PPP1R1C: variants seen among roughly 807,000 people sequenced by gnomAD.
The protein encoded by PPP1R1C is protein phosphatase 1 regulatory inhibitor subunit 1C.
PPP1R1C carries 15 observed loss-of-function variants against 17.4 expected under a neutral mutation model. The observed-to-expected ratio is 0.86, with a 90% CI of 0.58 to 1.33. The LOEUF is 1.33. Ranked by LOEUF, PPP1R1C falls within the 40% of genes most tolerant of loss-of-function variation. PPP1R1C has a pLI of 0.00. For missense variants in PPP1R1C, 143 were observed against 130.0 expected (o/e 1.10, Z -0.48); for synonymous variants, 35 against 43.1 (o/e 0.81, Z 0.73).
chr2:181,973,136 T>A (rs934709315), intron 1 of PPP1R1C, among the ~76,000 whole-genome samples: 5 of 152,180 alleles, frequency 3.3e-5, no homozygotes, highest in African/African-American at 1.2e-4. Context: ...TCAGTAAGCA[T>A]CTTTGACTCA....
At chr2:181,980,535 C>T (rs949504662) in intron 2 of PPP1R1C, among the ~76,000 whole-genome samples, 23 of 152,172 alleles carry the variant, frequency 1.5e-4, no homozygotes, top group Non-Finnish European at 2.6e-4. Context: ...GAGCTGTTTC[C>T]CCAAAGTGGC....
intron 2 of PPP1R1C, among the ~76,000 whole-genome samples, chr2:182,045,485 T>C (rs1687315995): frequency 6.6e-6 from 1 of 152,068 alleles, no homozygotes; most frequent in Non-Finnish European, 1.5e-5. Context: ...CTTCAGTTGA[T>C]TAAGCCATGA....
intron 2 of PPP1R1C, among the ~76,000 whole-genome samples, chr2:181,989,413 G>A (rs894157758): frequency 7.2e-5 from 11 of 152,164 alleles, no homozygotes; most frequent in African/African-American, 1.9e-4. Context: ...TAGAAGTGAC[G>A]GATTCCAGAG....
At chr2:181,968,826 T>A (rs1360495804) in intron 1 of PPP1R1C, among the ~76,000 whole-genome samples, 2 of 152,170 alleles carry the variant, frequency 1.3e-5, no homozygotes, top group Non-Finnish European at 2.9e-5. Context: ...TAAATTAAAT[T>A]TTCTTTAATT....
At chr2:181,963,379 G>A (rs1007183873) in intron 1 of PPP1R1C, among the ~76,000 whole-genome samples, 7 of 152,168 alleles carry the variant, frequency 4.6e-5, no homozygotes, top group Non-Finnish European at 4.4e-5. Context: ...AATGGCTTAC[G>A]CCTGTAATCC....
At chr2:181,969,014 C>T (rs1199986433) in intron 1 of PPP1R1C, among the ~76,000 whole-genome samples, 1 of 152,066 alleles carries the variant, frequency 6.6e-6, no homozygotes, top group Non-Finnish European at 1.5e-5. Context: ...TATCCCCCTG[C>T]TTTTTAACTT....
rs988462860 is a variant in PPP1R1C at position 182,019,035 on chromosome 2, C to G, written c.142+31136C>G. 3.6e-4 allele frequency among the ~76,000 whole-genome samples: 54 copies of G among 152,018 alleles called. 1 individual carries two copies. The highest frequency in any genetic ancestry group is 6.8e-4 in the Non-Finnish European group (46 of 68,010). The stretch of plus-strand genomic sequence containing the variant: ...TATCTATATTATAATATATTAAACA[C>G]AGATAGTGAATGCAACATTACATTA... On this transcript the variant is annotated intron_variant, in intron 2 of 4. Transcript: ENST00000682840.
intron 1 of PPP1R1C, 99 bp from the exon 2 acceptor site, chr2:181,987,740 T>C: frequency 8.2e-7 from 1 of 1,215,082 alleles, no homozygotes; most frequent in Non-Finnish European, 1.2e-6. Context: ...CTTTTGCATG[T>C]GGGGAAAAGA....
intron 2 of PPP1R1C, among the ~76,000 whole-genome samples, chr2:182,043,513 T>C (rs1313014941): frequency 6.6e-6 from 1 of 151,036 alleles, no homozygotes; most frequent in African/African-American, 2.4e-5. Context: ...TTTCCACATA[T>C]ATGCCCAGAC....
intron 2 of PPP1R1C, among the ~76,000 whole-genome samples, chr2:182,040,390 T>C (rs1046074035): frequency 6.6e-6 from 1 of 152,228 alleles, no homozygotes; most frequent in Non-Finnish European, 1.5e-5. Context: ...AATTTGCATT[T>C]CCCTGATGAT....
intron 2 of PPP1R1C, among the ~76,000 whole-genome samples, chr2:182,008,097 A>AAAAAT (rs1553502686): frequency 1.3e-5 from 2 of 150,420 alleles, no homozygotes; most frequent in Non-Finnish European, 3.0e-5. Context: ...ATAAAAAAAT[A>AAAAAT]AAATAAAATG....
intron 2 of PPP1R1C, among the ~76,000 whole-genome samples, chr2:182,049,332 CAAAAA>C (rs3064024): frequency 3.5e-4 from 27 of 77,962 alleles, no homozygotes; most frequent in Admixed American, 2.4e-3. Context: ...GATTCCATCT[CAAAAA>C]AAAAAAAAAA....
chr2:182,104,603 T>G (rs1173098881), intron 4 of PPP1R1C, among the ~76,000 whole-genome samples: 1 of 152,188 alleles, frequency 6.6e-6, no homozygotes, highest in African/African-American at 2.4e-5. Flanking sequence ...TTACTAGTAT[T>G]TAGGTGATTT....
intron 4 of PPP1R1C, among the ~76,000 whole-genome samples, chr2:182,076,140 C>A (rs1221056268): frequency 2.6e-5 from 3 of 114,040 alleles, no homozygotes; most frequent in Non-Finnish European, 5.2e-5. Flanking sequence ...TAGAACAGTT[C>A]TTAATATCTC....
At chr2:182,072,022 T>C (rs1224267579) in intron 4 of PPP1R1C, among the ~76,000 whole-genome samples, 1 of 152,230 alleles carries the variant, frequency 6.6e-6, no homozygotes, top group African/African-American at 2.4e-5. Context: ...GTCAGTATTC[T>C]ACAAAATATA....
chr2:181,965,796 G>T (rs1684895914), intron 1 of PPP1R1C, among the ~76,000 whole-genome samples: 1 of 152,122 alleles, frequency 6.6e-6, no homozygotes, highest in Admixed American at 6.5e-5. Context: ...GATCTTTGGT[G>T]GTTCCATATA....
chr2:182,007,932 G>A (rs536203229), intron 2 of PPP1R1C, among the ~76,000 whole-genome samples: 1 of 152,226 alleles, frequency 6.6e-6, no homozygotes, highest in South Asian at 2.1e-4. Context: ...GCCGGGAGTG[G>A]TGGTGGGTGT....
chr2:182,054,736 C>T (rs918282111), intron 2 of PPP1R1C, among the ~76,000 whole-genome samples: 4 of 152,158 alleles, frequency 2.6e-5, no homozygotes, highest in Non-Finnish European at 5.9e-5. Flanking sequence ...TCTCAGCTCA[C>T]TGCAGCCTCT....
chr2:182,057,358 G>A (rs1687717361), intron 2 of PPP1R1C, among the ~76,000 whole-genome samples: 1 of 152,152 alleles, frequency 6.6e-6, no homozygotes, highest in African/African-American at 2.4e-5. Flanking sequence ...GAGCATAGGA[G>A]AGACATGAAT....
Sources: allele counts gnomAD v4.1 joint callset (sites outside exome capture counted in the v4.1 genomes callset), GRCh38; gene constraint gnomAD v4.1.1; transcripts MANE v1.5; gene names NCBI Gene and HGNC (gene_info 2026-07-23, HGNC 2026-07-21).